TET2: variants seen among roughly 807,000 people sequenced by gnomAD.
TET2 encodes tet methylcytosine dioxygenase 2, also known as methylcytosine dioxygenase TET2.
TET2 carries 299 observed loss-of-function variants against 142.9 expected under a neutral mutation model. The observed-to-expected ratio is 2.09, with a 90% CI of 1.90 to 2.30. The LOEUF (loss-of-function observed/expected upper bound fraction) is 2.30. TET2 is among the 30% of genes most tolerant of loss of function. TET2 has a pLI of 0.00. For missense variants in TET2, 2,418 were observed against 2,378.0 expected (o/e 1.02, Z -0.35); for synonymous variants, 819 against 849.0 (o/e 0.96, Z 0.61).
upstream of TET2, chr4:105,146,666 G>A (rs1278748181): frequency 6.6e-6 from 1 of 152,392 alleles, no homozygotes; most frequent in African/African-American, 2.4e-5. Flanking sequence ...CCGGGCGGAG[G>A]AGGAGAGCCG....
chr4:105,264,051 A>G (rs1730569619), intron 8 of TET2, among the ~76,000 whole-genome samples: 1 of 151,956 alleles, frequency 6.6e-6, no homozygotes, highest in South Asian at 2.1e-4. Context: ...GACTAATCCT[A>G]AAATGATTTA....
chr4:105,153,253 A>C (rs779470666), intron 1 of TET2, among the ~76,000 whole-genome samples: 1 of 152,212 alleles, frequency 6.6e-6, no homozygotes, highest in African/African-American at 2.4e-5. Flanking sequence ...CACAACCATG[A>C]TACTGACATT....
Position 105,275,954 on chromosome 4 carries a change from G to A in TET2, c.5444G>A (p.Gly1815Asp). 6.4e-7 allele frequency: 1 copy of A among 1,551,856 alleles called. No homozygotes were observed. The highest frequency in any genetic ancestry group is 8.7e-7 in the Non-Finnish European group (1 of 1,147,006). ...GATAGAACTGCTTGTGTCCAAGGAG[G>A]CTTACACAAATTAAGTGATGCTAAT... ...NHDRTACVQGGLHKLSDANGQ... is the reference protein window; with the variant it reads ...NHDRTACVQGDLHKLSDANGQ... Residue 1815 changes from glycine to aspartate, a missense_variant, in exon 11 of 11, where the codon GGC (glycine) becomes GAC (aspartate). Gly to Asp is a moderately conservative substitution (Grantham distance 94). Transcript: ENST00000380013.
rs1305799693 is a variant in TET2 at position 105,275,655 on chromosome 4, A to G, written c.5145A>G (p.Val1715=). The change falls in exon 11 of 11, where the codon GTA becomes GTG. Residue 1715 remains valine (V), a synonymous_variant. Coordinates refer to ENST00000380013, the MANE Select transcript of TET2 (RefSeq NM_001127208.3). ...GCAGTTGTACCATTAGACCAAATGTACATCATGTAGGGAAATTGCCTCCTT... is the reference window on the plus strand; with the variant it reads ...GCAGTTGTACCATTAGACCAAATGTGCATCATGTAGGGAAATTGCCTCCTT... The part of the protein sequence containing the change: ...GFSSCTIRPN[V]HHVGKLPPYP... 2 of 1,551,964 alleles carry G rather than the reference A, an allele frequency of 1.3e-6. No homozygotes were observed. The highest frequency in any genetic ancestry group is 1.2e-5 in the South Asian group (1 of 84,056).
At chr4:105,244,592 T>C (rs1054955780) in intron 6 of TET2, among the ~76,000 whole-genome samples, 18 of 72,066 alleles carry the variant, frequency 2.5e-4, no homozygotes, top group South Asian at 4.7e-4. Context: ...AAATGTTTTT[T>C]TTTTTTTTTT....
Position 105,231,897 on chromosome 4 carries a change from A to G in TET2, c.-46-2000A>G, listed in dbSNP as rs114934394. Among the ~76,000 whole-genome samples the G allele has an allele frequency of 9.4e-3, 1,438 of 152,246 alleles. 21 individuals carry two copies. Among genetic ancestry groups the G allele is most frequent in the African/African-American group, 0.032 (1,345 of 41,542 alleles). ...TCTCAAAAATGTTCGAATGAATGCA[A>G]TCAGATTCAAGGGTACAAGTGCAGG... On this transcript the variant is annotated intron_variant, in intron 2 of 10. Transcript: ENST00000380013.
chr4:105,182,645 T>C (rs1222125712), intron 1 of TET2, among the ~76,000 whole-genome samples: 1 of 152,212 alleles, frequency 6.6e-6, no homozygotes, highest in Non-Finnish European at 1.5e-5. Flanking sequence ...TGCCTTTCTA[T>C]TAGAAATAGA....
At chr4:105,270,196 T>C (rs549196865) in intron 9 of TET2, among the ~76,000 whole-genome samples, 16 of 152,318 alleles carry the variant, frequency 1.1e-4, no homozygotes, top group African/African-American at 3.8e-4. Flanking sequence ...TAGAGTAATA[T>C]GTTGTCTGCA....
rs770335785 is a variant in TET2 at position 105,243,741 on chromosome 4, G to T, written c.3766G>T (p.Gly1256Cys). The T allele has an allele frequency of 2.6e-6, 4 of 1,551,248 alleles. No homozygotes were observed. The highest frequency in any genetic ancestry group is 2.4e-5 in the East Asian group (1 of 40,912). The change falls in exon 6 of 11, where the codon GGC becomes TGC. Residue 1256 changes from glycine (G) to cysteine (C), a missense_variant. Physicochemically the swap from Gly to Cys is radical, Grantham distance 159 (BLOSUM62 -3). Coordinates refer to ENST00000380013, the MANE Select transcript of TET2 (RefSeq NM_001127208.3). ...SELTETLRKYGTLTNRRCALN... is the reference protein window; with the variant it reads ...SELTETLRKYCTLTNRRCALN... ...GCTTACCGAGACGCTGAGGAAATAC[G>T]GCACGCTCACCAATCGCCGGTGTGC... is the stretch of plus-strand genomic sequence containing the variant.
chr4:105,263,613 G>C lies in TET2; in HGVS notation c.4044+1765G>C, dbSNP rs370753079. ...GATATCAAAATTTTGGACATGCTAG[G>C]CTTCTAGGTTAATTAGATGGAGAAT... is the stretch of plus-strand genomic sequence containing the variant. On this transcript the variant is annotated intron_variant, in intron 8 of 10. Coordinates refer to ENST00000380013, the MANE Select transcript of TET2 (RefSeq NM_001127208.3). Among the ~76,000 whole-genome samples the C allele has an allele frequency of 7.2e-5, 11 of 152,210 alleles. No individual in the cohort carries two copies. The East Asian group carries it at 2.1e-3, about 29-fold the overall frequency.
intron 4 of TET2, chr4:105,241,972 T>C (rs1041271073): frequency 9.7e-6 from 12 of 1,235,996 alleles, no homozygotes; most frequent in Admixed American, 4.3e-5. Flanking sequence ...ATCACAGGTA[T>C]ACAAGTACTT....
At chr4:105,189,969 C>T (rs1053951530) in intron 1 of TET2, among the ~76,000 whole-genome samples, 1 of 152,164 alleles carries the variant, frequency 6.6e-6, no homozygotes, top group Admixed American at 6.5e-5. Context: ...AATAAAGTTT[C>T]CTCTTAGCTC....
chr4:105,232,696 G>A (rs1728573635), intron 2 of TET2, among the ~76,000 whole-genome samples: 1 of 152,186 alleles, frequency 6.6e-6, no homozygotes, highest in Admixed American at 6.5e-5. Flanking sequence ...GTTATTGTTG[G>A]AGTATAAACT....
intron 2 of TET2, among the ~76,000 whole-genome samples, chr4:105,198,735 T>C (rs572100238): frequency 6.6e-6 from 1 of 152,336 alleles, no homozygotes; most frequent in Admixed American, 6.5e-5. Flanking sequence ...TTTACTGCAT[T>C]CCTAAGAGGA....
At position 105,276,769 on chromosome 4, in the gene TET2, GA is replaced by G. The variant is rs1394281364; in HGVS notation, c.*253del. 1 of 403,422 alleles carries G rather than the reference GA, an allele frequency of 2.5e-6. No individual in the cohort carries two copies. Among genetic ancestry groups the G allele is most frequent in the Non-Finnish European group, 4.5e-6 (1 of 224,638 alleles). The allele number at this position is 403,422 out of a possible 1,614,324, so 25.0% of individuals were successfully genotyped here. On this transcript the variant is annotated 3_prime_UTR_variant, in exon 11 of 11. Transcript: ENST00000380013. ...TTCTATGCAAAAAGAAGGTGGGGAA[GA>G]AAGTGTTCCGCAATTTACATTTTTA... is the stretch of plus-strand genomic sequence containing the variant.
intron 1 of TET2, among the ~76,000 whole-genome samples, chr4:105,168,625 G>C (rs759597512): frequency 6.6e-6 from 1 of 151,872 alleles, no homozygotes; most frequent in Non-Finnish European, 1.5e-5. Context: ...GGAACAGGTG[G>C]TATTTGGTTA....
At chr4:105,211,010 A>G (rs1428225258) in intron 2 of TET2, among the ~76,000 whole-genome samples, 1 of 152,120 alleles carries the variant, frequency 6.6e-6, no homozygotes, top group Non-Finnish European at 1.5e-5. Context: ...TTACTCCTCC[A>G]TGGCCTTTAC....
intron 8 of TET2, among the ~76,000 whole-genome samples, chr4:105,269,181 G>A (rs1730829155): frequency 6.6e-6 from 1 of 151,826 alleles, no homozygotes; most frequent in African/African-American, 2.4e-5. Flanking sequence ...AGGGAAAAAA[G>A]GTAATCTTGA....
intron 1 of TET2, among the ~76,000 whole-genome samples, chr4:105,173,986 G>A (rs1724631559): frequency 1.3e-5 from 2 of 152,132 alleles, no homozygotes; most frequent in Admixed American, 6.5e-5. Flanking sequence ...AGAGTAGGTA[G>A]CAATGACTTC....
Sources: gnomAD v4.1 joint callset for allele counts (sites outside exome capture counted in the v4.1 genomes callset) on GRCh38, gnomAD v4.1.1 for gene constraint, MANE v1.5 for transcripts, NCBI Gene and HGNC (gene_info 2026-07-23, HGNC 2026-07-21) for gene names.